Variants in GPATCH2 observed in about 807,000 individuals in gnomAD.
The protein encoded by GPATCH2 is G-patch domain containing 2.
Under a neutral mutation model 58.0 loss-of-function variants are expected in GPATCH2, and 51 were observed. The ratio of observed to expected loss-of-function variants is 0.88; its 90% confidence interval spans 0.70 to 1.11. GPATCH2 has a LOEUF of 1.11. GPATCH2 is among the 50% of genes most tolerant of loss of function. The pLI, the probability that GPATCH2 is intolerant of heterozygous loss-of-function variation, is 0.00. For missense variants in GPATCH2, 625 were observed against 652.2 expected (o/e 0.96, Z 0.45); for synonymous variants, 222 against 218.5 (o/e 1.02, Z -0.14).
intron 7 of GPATCH2, chr1:217,492,575 G>A (rs1342565707): frequency 1.3e-5 from 2 of 152,132 alleles, no homozygotes; most frequent in East Asian, 3.9e-4. Context: ...ATAGAGCTGG[G>A]TTCTAATCCC....
At position 217,620,179 on chromosome 1, in the gene GPATCH2, C is replaced by A; in HGVS notation, c.377G>T (p.Arg126Leu). 6.2e-7 allele frequency: 1 copy of A among 1,613,918 alleles called. No homozygotes were observed. The highest frequency in any genetic ancestry group is 8.5e-7 in the Non-Finnish European group (1 of 1,179,872). The change falls in exon 2 of 10, where the codon CGC becomes CTC. Residue 126 changes from arginine (R) to leucine (L), a missense_variant. Arg to Leu is a moderately radical substitution (Grantham distance 102). Coordinates refer to ENST00000366935, the MANE Select transcript of GPATCH2 (RefSeq NM_018040.5). ...ATTATTTAAGTTTGATGACGGCCTG[C>A]GCTTTGCTACTAACATTTGGTCATC... ...DSDDQMLVAK[R>L]RPSSNLNNNV...
At chr1:217,570,528 AT>A (rs543519772) in intron 5 of GPATCH2, among the ~76,000 whole-genome samples, 26 of 152,212 alleles carry the variant, frequency 1.7e-4, no homozygotes, top group Admixed American at 9.2e-4. Context: ...GACAGAGAAC[AT>A]TTTTTTTAAT....
chr1:217,488,579 T>C (rs1286250221), intron 8 of GPATCH2, among the ~76,000 whole-genome samples: 1 of 152,178 alleles, frequency 6.6e-6, no homozygotes, highest in Non-Finnish European at 1.5e-5. Flanking sequence ...ATATTTCAGG[T>C]GTGTCTTTTA....
intron 9 of GPATCH2, among the ~76,000 whole-genome samples, chr1:217,435,143 C>T (rs1469409687): frequency 6.6e-6 from 1 of 152,158 alleles, no homozygotes; most frequent in Non-Finnish European, 1.5e-5. Context: ...CAGTATACAC[C>T]ACAACCATAA....
chr1:217,517,663 G>A (rs866671422), intron 5 of GPATCH2, among the ~76,000 whole-genome samples: 4 of 152,042 alleles, frequency 2.6e-5, no homozygotes, highest in Non-Finnish European at 5.9e-5. Context: ...AATTAAAGAA[G>A]CAGTTTTAAA....
intron 8 of GPATCH2, among the ~76,000 whole-genome samples, chr1:217,449,836 A>T (rs932988848): frequency 1.3e-4 from 20 of 152,216 alleles, no homozygotes; most frequent in African/African-American, 4.8e-4. Flanking sequence ...AATTTATATG[A>T]TTAGAATTCT....
chr1:217,625,948 C>G (rs1019756519), intron 1 of GPATCH2, among the ~76,000 whole-genome samples: 2 of 152,144 alleles, frequency 1.3e-5, no homozygotes, highest in Non-Finnish European at 2.9e-5. Flanking sequence ...CACGCCACTG[C>G]ACTCCAGTTT....
chr1:217,610,138 T>C, intron 5 of GPATCH2, 183 bp downstream of exon 5: 1 of 1,552,310 alleles, frequency 6.4e-7, no homozygotes, highest in South Asian at 1.2e-5. Flanking sequence ...GTAACTAATT[T>C]ATTAGCATTA....
chr1:217,484,556 T>TATA (rs1661360373), intron 8 of GPATCH2, among the ~76,000 whole-genome samples: 2 of 143,180 alleles, frequency 1.4e-5, no homozygotes, highest in Admixed American at 7.0e-5. Context: ...ATATAATTAT[T>TATA]TATATATATA....
intron 8 of GPATCH2, among the ~76,000 whole-genome samples, chr1:217,486,354 C>A (rs1027829100): frequency 4.6e-5 from 7 of 152,114 alleles, no homozygotes. Context: ...GTAATCCAAT[C>A]GATTGTTTTT....
chr1:217,431,967 C>A (rs1658559051), intron 9 of GPATCH2, among the ~76,000 whole-genome samples: 1 of 151,998 alleles, frequency 6.6e-6, no homozygotes, highest in Non-Finnish European at 1.5e-5. Context: ...TAGTTCCTTT[C>A]CTCCTTTTCC....
At chr1:217,489,723 G>A (rs1661628228) in intron 8 of GPATCH2, among the ~76,000 whole-genome samples, 1 of 152,112 alleles carries the variant, frequency 6.6e-6, no homozygotes. Flanking sequence ...TTAGCCGGGT[G>A]TGGCGGCACA....
intron 5 of GPATCH2, among the ~76,000 whole-genome samples, chr1:217,600,301 A>G (rs1668049700): frequency 6.6e-6 from 1 of 152,162 alleles, no homozygotes. Context: ...CTGGTTTATC[A>G]GAATCCCCTT....
At chr1:217,476,104 TAAGA>T (rs1660956483) in intron 8 of GPATCH2, among the ~76,000 whole-genome samples, 1 of 151,238 alleles carries the variant, frequency 6.6e-6, no homozygotes, top group Non-Finnish European at 1.5e-5. Flanking sequence ...AAAAAGCAAA[TAAGA>T]AACAAAACAA....
intron 5 of GPATCH2, among the ~76,000 whole-genome samples, chr1:217,550,611 ATATC>A (rs1170430757): frequency 8.5e-5 from 13 of 152,166 alleles, no homozygotes; most frequent in Non-Finnish European, 1.8e-4. Flanking sequence ...GACATAGCTA[ATATC>A]TATTGACAAA....
At chr1:217,605,329 C>A (rs1415009204) in intron 5 of GPATCH2, among the ~76,000 whole-genome samples, 1 of 152,102 alleles carries the variant, frequency 6.6e-6, no homozygotes, top group Non-Finnish European at 1.5e-5. Context: ...ATTTGTACAG[C>A]ATGATAAATT....
chr1:217,611,066 C>T lies in GPATCH2; in HGVS notation c.841G>A (p.Asp281Asn), dbSNP rs1668598435. The T allele has an allele frequency of 5.0e-6, 8 of 1,611,450 alleles. No individual in the cohort carries two copies. The highest frequency in any genetic ancestry group is 5.9e-6 in the Non-Finnish European group (7 of 1,178,582). ...TCGTAGAACCAGTCACTCTGTTCATCATCACCTGTGCAAATACAAGAAACC... is the reference window on the plus strand; with the variant it reads ...TCGTAGAACCAGTCACTCTGTTCATTATCACCTGTGCAAATACAAGAAACC... ...FTNDEGRQGD[D>N]EQSDWFYEKE... is the part of the protein sequence containing the mutation. The change falls in exon 4 of 10, where the codon GAT becomes AAT. Residue 281 changes from aspartate (D) to asparagine (N), a missense_variant. Transcript: ENST00000366935.
intron 5 of GPATCH2, among the ~76,000 whole-genome samples, chr1:217,524,812 T>C (rs1663748941): frequency 8.2e-6 from 1 of 122,638 alleles, no homozygotes; most frequent in African/African-American, 2.9e-5. Context: ...ATGGCAGCAG[T>C]ACAGTCCAGC....
At position 217,630,904 on chromosome 1, in the gene GPATCH2, C is replaced by G. The variant is rs925683916; in HGVS notation, c.56+12G>C. ...TCCCTGACCTCCCCCTCCCCAGGGC[C>G]GCCAGCCTCACCAGCTGTTCCCGGC... On this transcript the variant is annotated intron_variant, in intron 1 of 9. Coordinates refer to ENST00000366935, the MANE Select transcript of GPATCH2 (RefSeq NM_018040.5). 7.6e-6 allele frequency: 12 copies of G among 1,582,968 alleles called. No homozygotes were observed. The highest frequency in any genetic ancestry group is 1.0e-5 in the Non-Finnish European group (12 of 1,169,190).
Sources: allele counts gnomAD v4.1 joint callset (sites outside exome capture counted in the v4.1 genomes callset), GRCh38; gene constraint gnomAD v4.1.1; transcripts MANE v1.5; gene names NCBI Gene and HGNC (gene_info 2026-07-23, HGNC 2026-07-21).